WDR12: variants seen among roughly 807,000 people sequenced by gnomAD.
WDR12 encodes the protein ribosome biogenesis protein WDR12.
WDR12 carries 42 observed loss-of-function variants against 64.3 expected under a neutral mutation model. That is an observed-to-expected ratio of 0.65 (90% confidence interval 0.51 to 0.84). WDR12 has a LOEUF of 0.84. Among genes scored for constraint, WDR12 ranks in the 40% least tolerant of loss-of-function variants. The probability of loss-of-function intolerance (pLI) is 0.00; values close to 1 mark genes in which losing one functional copy is unlikely to be tolerated. For synonymous variants in WDR12, 158 were observed against 173.3 expected, an observed-to-expected ratio of 0.91 and a Z score of 0.70; for missense variants, 469 against 494.6, an observed-to-expected ratio of 0.95 and a Z score of 0.49.
rs993435147 is a variant in WDR12 at position 202,911,621 on chromosome 2, C to T, written c.-145G>A. The stretch of plus-strand genomic sequence containing the variant: ...AGGAACTGCAGTCTAAGCCTGGACT[C>T]TGCCTTCTGCCCTCCGGTCTCCTCT... On this transcript the variant is annotated 5_prime_UTR_variant, in exon 1 of 13. Transcript: ENST00000261015. 1 of 743,860 alleles carries T rather than the reference C, an allele frequency of 1.3e-6. No individual in the cohort carries two copies. Among genetic ancestry groups the T allele is most frequent in the African/African-American group, 1.7e-5 (1 of 57,852 alleles). 46.1% of individuals were successfully genotyped at this position (743,860 alleles called of 1,614,324 possible).
In WDR12 at chr2:202,882,477, C is replaced by T. The variant is rs542031849; in HGVS notation, c.1194+234G>A. Among the ~76,000 whole-genome samples the T allele has an allele frequency of 6.6e-5, 10 of 151,874 alleles. No homozygotes were observed. The South Asian group carries it at 1.3e-3, about 19-fold the overall frequency. ...CCAAGTAGCTGGAACTACAGGCGCC[C>T]GCCACCATGCCCGGCTAATTTTTTG... On this transcript the variant is annotated intron_variant, in intron 12 of 12. Coordinates refer to ENST00000261015, the MANE Select transcript of WDR12 (RefSeq NM_018256.4).
chr2:202,908,128 G>A (rs369422015), intron 1 of WDR12, among the ~76,000 whole-genome samples, 169 bp from the exon 2 acceptor site: 1 of 152,118 alleles, frequency 6.6e-6, no homozygotes, highest in Non-Finnish European at 1.5e-5. Context: ...TCTAAGATGA[G>A]GTTGAAGTTT....
intron 6 of WDR12, 151 bp downstream of exon 6, chr2:202,895,914 T>C (rs898919197): frequency 3.8e-6 from 3 of 784,646 alleles, no homozygotes; most frequent in South Asian, 1.9e-5. Context: ...TCTCCTATTG[T>C]ATGAGTATTT....
Position 202,911,650 on chromosome 2 carries a change from GAAAGC to G in WDR12, c.-179_-175del. ...CTTCTGCCCTCCGGTCTCCTCTGCA[GAAAGC>G]ACGAGGTTGCCCTTCTACAGACGCC... On this transcript the variant is annotated 5_prime_UTR_variant, in exon 1 of 13. Coordinates refer to ENST00000261015, the MANE Select transcript of WDR12 (RefSeq NM_018256.4). The G allele has an allele frequency of 1.6e-6, 1 of 642,996 alleles. No homozygotes were observed. Among genetic ancestry groups the G allele is most frequent in the Admixed American group, 2.5e-5 (1 of 40,176 alleles). 39.8% of individuals were successfully genotyped at this position (642,996 alleles called of 1,614,324 possible).
intron 8 of WDR12, among the ~76,000 whole-genome samples, chr2:202,890,962 C>G (rs1461890712): frequency 2.1e-5 from 3 of 146,038 alleles, no homozygotes; most frequent in Non-Finnish European, 4.5e-5. Flanking sequence ...CCACTGCACT[C>G]CAGCCTGGGC....
At chr2:202,909,696 TTG>T (rs556080562) in intron 1 of WDR12, among the ~76,000 whole-genome samples, 6 of 151,998 alleles carry the variant, frequency 3.9e-5, no homozygotes, top group African/African-American at 1.4e-4. Context: ...ATGTATATTC[TTG>T]TGTGTGTGTG....
At chr2:202,883,173 T>C (rs373989752) in intron 11 of WDR12, among the ~76,000 whole-genome samples, 1 of 152,176 alleles carries the variant, frequency 6.6e-6, no homozygotes, top group Admixed American at 6.5e-5. Context: ...TCTTGGTCTG[T>C]TGCCCAGGCT....
At position 202,882,764 on chromosome 2, in the gene WDR12, C is replaced by A; in HGVS notation, c.1141G>T (p.Asp381Tyr). The change falls in exon 12 of 13, where the codon GAT (aspartate) becomes TAT (tyrosine). Residue 381 changes from aspartate (D) to tyrosine (Y), a missense_variant. Asp to Tyr is a radical substitution (Grantham distance 160). Coordinates refer to ENST00000261015, the MANE Select transcript of WDR12 (RefSeq NM_018256.4). ...ACTTTGTCTTCATGAGCAGCCAGAT[C>A]ATAGAGAGGAGCCTTACAACTAAAA... ...DTRSCKAPLY[D>Y]LAAHEDKVLS... 1 of 1,614,076 alleles carries A rather than the reference C, an allele frequency of 6.2e-7. No homozygotes were observed.
chr2:202,880,639 G>T lies in WDR12; in HGVS notation c.*221C>A. The T allele has an allele frequency of 3.6e-6, 1 of 281,320 alleles. No individual in the cohort carries two copies. The highest frequency in any genetic ancestry group is 5.1e-5 in the Admixed American group (1 of 19,484). The allele number at this position is 281,320 out of a possible 1,614,324, so 17.4% of individuals were successfully genotyped here. A position where few individuals can be genotyped will look rare whatever the true frequency, so the allele number is the denominator to read the frequency against. Reference sequence around the variant, plus strand: ...AATGTAAAACTCAGTTTAATTTCAAGTTTGTATAGAGAATGTATGCCACAG... The same window carrying T: ...AATGTAAAACTCAGTTTAATTTCAATTTTGTATAGAGAATGTATGCCACAG... On this transcript the variant is annotated 3_prime_UTR_variant, in exon 13 of 13. Coordinates refer to ENST00000261015, the MANE Select transcript of WDR12 (RefSeq NM_018256.4).
chr2:202,900,620 T>C (rs1688331925), intron 3 of WDR12, among the ~76,000 whole-genome samples: 1 of 152,088 alleles, frequency 6.6e-6, no homozygotes, highest in Non-Finnish European at 1.5e-5. Context: ...ACTTTGAAAA[T>C]AAAAGGGAAA....
At position 202,899,608 on chromosome 2, in the gene WDR12, C is replaced by A. The variant is rs369211152; in HGVS notation, c.261G>T (p.Glu87Asp). Residue 87 changes from glutamate (E) to aspartate (D), a missense_variant, in exon 4 of 13, where the codon GAG becomes GAT. Coordinates refer to ENST00000261015, the MANE Select transcript of WDR12 (RefSeq NM_018256.4). ...GCTCTGGCTGGGGTGCAGTATACTT[C>A]TCCACGTATTCTATTTCCACAACTT... The part of the protein sequence containing the change: ...SEEVVEIEYV[E>D]KYTAPQPEQC... 5.3e-5 allele frequency: 85 copies of A among 1,614,070 alleles called. No homozygotes were observed. The highest frequency in any genetic ancestry group is 6.9e-5 in the Non-Finnish European group (82 of 1,179,984).
At chr2:202,883,530 G>C in intron 11 of WDR12, 79 bp downstream of exon 11, 2 of 1,447,182 alleles carry the variant, frequency 1.4e-6, no homozygotes, top group South Asian at 2.7e-5. Flanking sequence ...TCTGGTTTTA[G>C]ATAAGAATTT....
intron 1 of WDR12, among the ~76,000 whole-genome samples, chr2:202,910,011 G>T (rs72936846): frequency 1.3e-5 from 2 of 151,990 alleles, no homozygotes; most frequent in East Asian, 1.9e-4. Flanking sequence ...TGCTCAGGCT[G>T]GTCTCAAACT....
chr2:202,888,646 G>A (rs984267235), intron 8 of WDR12, among the ~76,000 whole-genome samples: 2 of 152,162 alleles, frequency 1.3e-5, no homozygotes, highest in African/African-American at 4.8e-5. Context: ...AGAAAGAAAT[G>A]CAAAGAGAAG....
At chr2:202,891,453 A>G (rs1372318823) in intron 8 of WDR12, among the ~76,000 whole-genome samples, 2 of 152,182 alleles carry the variant, frequency 1.3e-5, no homozygotes, top group African/African-American at 4.8e-5. Context: ...GTTGGCCTCC[A>G]TTTCTAGCTT....
At chr2:202,908,369 T>G (rs1688500324) in intron 1 of WDR12, among the ~76,000 whole-genome samples, 1 of 152,156 alleles carries the variant, frequency 6.6e-6, no homozygotes, top group African/African-American at 2.4e-5. Context: ...GTGGGAGGAC[T>G]GCCTGAGCCC....
chr2:202,880,763 A>C lies in WDR12; in HGVS notation c.*97T>G. The C allele has an allele frequency of 9.5e-7, 1 of 1,055,144 alleles. No homozygotes were observed. The highest frequency in any genetic ancestry group is 2.5e-5 in the Admixed American group (1 of 39,630). The allele number at this position is 1,055,144 out of a possible 1,614,324, so 65.4% of individuals were successfully genotyped here. On this transcript the variant is annotated 3_prime_UTR_variant, in exon 13 of 13. Coordinates refer to ENST00000261015, the MANE Select transcript of WDR12 (RefSeq NM_018256.4). ...AGGGTGAAAACATTATATAAACTTC[A>C]AAAGGCTGCTTTCTGCATCTGCATC...
Position 202,884,412 on chromosome 2 carries a change from T to G in WDR12, c.865A>C (p.Ser289Arg), listed in dbSNP as rs1165638774. 6.2e-7 allele frequency: 1 copy of G among 1,614,142 alleles called. No individual in the cohort carries two copies. The highest frequency in any genetic ancestry group is 8.5e-7 in the Non-Finnish European group (1 of 1,180,028). The change falls in exon 9 of 13, where the codon AGT becomes CGT. Residue 289 changes from serine to arginine, a missense_variant. Transcript: ENST00000261015. ...TGTCTTACCAAAGTTGACTTAAGAC[T>G]GCCAGACTCAACATCCCACACTCTA... is the stretch of plus-strand genomic sequence containing the variant. The part of the protein sequence containing the change: ...TIRVWDVESG[S>R]LKSTLTGNKV...
At chr2:202,887,894 C>CAAAAAAAAAAAA (rs778475206) in intron 8 of WDR12, among the ~76,000 whole-genome samples, 1 of 60,756 alleles carries the variant, frequency 1.6e-5, no homozygotes, top group Non-Finnish European at 3.3e-5. Context: ...GACTCCGTCT[C>CAAAAAAAAAAAA]AAAAAAAAAA....
Sources: allele counts gnomAD v4.1 joint callset (sites outside exome capture counted in the v4.1 genomes callset), GRCh38; gene constraint gnomAD v4.1.1; transcripts MANE v1.5; gene names NCBI Gene and HGNC (gene_info 2026-07-23, HGNC 2026-07-21).